Variants in ACSM5 observed in about 807,000 individuals in gnomAD.
ACSM5 encodes the protein acyl-coenzyme A synthetase ACSM5, mitochondrial.
Under a neutral mutation model 71.6 loss-of-function variants are expected in ACSM5, and 56 were observed. The observed-to-expected ratio is 0.78, with a 90% CI of 0.63 to 0.98. ACSM5 has a LOEUF of 0.98. ACSM5 is among the 50% of genes least tolerant of loss of function. The pLI, the probability that ACSM5 is intolerant of heterozygous loss-of-function variation, is 0.00. For missense variants in ACSM5, 723 were observed against 726.0 expected (o/e 1.00, Z 0.05); for synonymous variants, 285 against 281.5 (o/e 1.01, Z -0.12).
intron 5 of ACSM5, among the ~76,000 whole-genome samples, chr16:20,421,615 CTATA>C (rs59443556): frequency 0.14 from 14,570 of 105,428 alleles, 1,069 homozygotes; most frequent in Non-Finnish European, 0.15. Flanking sequence ...TAAATCGTGG[CTATA>C]TATATATATA....
At chr16:20,417,923 C>T in intron 2 of ACSM5, 136 bp from the exon 3 acceptor site, 2 of 835,758 alleles carry the variant, frequency 2.4e-6, no homozygotes, top group Non-Finnish European at 3.6e-6. Flanking sequence ...CTTTTCAATG[C>T]ATGTCTTTCC....
At position 20,419,527 on chromosome 16, in the gene ACSM5, AG is replaced by A. The variant is rs755047170; in HGVS notation, c.623+93del. The A allele has an allele frequency of 7.9e-4, 985 of 1,243,984 alleles. 2 individuals are homozygous for A. Among genetic ancestry groups the A allele is most frequent in the Non-Finnish European group, 1.1e-3 (942 of 872,300 alleles). The allele number at this position is 1,243,984 out of a possible 1,614,324, so 77.1% of individuals were successfully genotyped here. On this transcript the variant is annotated intron_variant, in intron 4 of 13. Coordinates refer to ENST00000331849, the MANE Select transcript of ACSM5 (RefSeq NM_017888.3). ...AATGCATTGCTGATTCCACACATAGAGAGCGAATCAGAGAGGAGCACTCCCA... is the reference window on the plus strand; with the variant it reads ...AATGCATTGCTGATTCCACACATAGAAGCGAATCAGAGAGGAGCACTCCCA...
chr16:20,410,734 CAAT>C (rs1009622634), intron 1 of ACSM5, among the ~76,000 whole-genome samples: 4 of 151,564 alleles, frequency 2.6e-5, no homozygotes, highest in African/African-American at 9.7e-5. Flanking sequence ...TCAAAAACAA[CAAT>C]AATAAAAATT....
intron 10 of ACSM5, 47 bp from the exon 11 acceptor site, chr16:20,437,005 A>C (rs1014574469): frequency 1.4e-5 from 22 of 1,597,000 alleles, no homozygotes; most frequent in Non-Finnish European, 1.9e-5. Flanking sequence ...AACTGGCCTT[A>C]GCAGTTGTTC....
Position 20,418,282 on chromosome 16 carries a change from G to A in ACSM5, c.415+13G>A. Reference sequence around the variant, plus strand: ...TGCATGCGGACAGGTCAGTAAGCAGGGCTGGGAATTTTAGTTGGGGGCAGA... The same window carrying A: ...TGCATGCGGACAGGTCAGTAAGCAGAGCTGGGAATTTTAGTTGGGGGCAGA... On this transcript the variant is annotated intron_variant, in intron 3 of 13. Coordinates refer to ENST00000331849, the MANE Select transcript of ACSM5 (RefSeq NM_017888.3). The A allele has an allele frequency of 3.7e-6, 6 of 1,600,090 alleles. No individual in the cohort carries two copies. The highest frequency in any genetic ancestry group is 1.3e-5 in the African/African-American group (1 of 74,802).
intron 2 of ACSM5, among the ~76,000 whole-genome samples, chr16:20,417,100 G>T (rs1966858148): frequency 6.6e-6 from 1 of 151,698 alleles, no homozygotes; most frequent in Non-Finnish European, 1.5e-5. Flanking sequence ...ATGGCTGGAT[G>T]GAAATGTAAA....
At position 20,431,310 on chromosome 16, in the gene ACSM5, A is replaced by C; in HGVS notation, c.1297A>C (p.Asn433His). ...IRPTRPFCFF[N>H]CYLDNPEKTA... ...ACCCACTCGGCCCTTCTGTTTCTTC[A>C]ATTGCTATTTGGTAAGAGACGGGGA... is the stretch of plus-strand genomic sequence containing the variant. Residue 433 changes from asparagine (N) to histidine (H), a missense_variant, in exon 10 of 14, where the codon AAT becomes CAT. By Grantham distance (68) the Asn-to-His change is moderately conservative (BLOSUM62 1). Transcript: ENST00000331849. The C allele has an allele frequency of 6.2e-7, 1 of 1,613,860 alleles. No homozygotes were observed. The highest frequency in any genetic ancestry group is 2.2e-5 in the East Asian group (1 of 44,872).
At chr16:20,440,103 T>C (rs68177584) in intron 13 of ACSM5, among the ~76,000 whole-genome samples, 184 bp downstream of exon 13, 42,874 of 150,716 alleles carry the variant, frequency 0.28, 7,447 homozygotes, top group East Asian at 0.57. Flanking sequence ...GCACATTTTG[T>C]TCCTACTCTA....
In ACSM5 at chr16:20,411,494, T is replaced by C. The variant is rs1567338316; in HGVS notation, c.10T>C (p.Trp4Arg). Residue 4 changes from tryptophan (W) to arginine (R), a missense_variant, in exon 2 of 14, where the codon TGG becomes CGG. Transcript: ENST00000331849. MRP[W>R]LRHLVLQALR... Reference sequence around the variant, plus strand: ...GACAGGAGGCGACTGCATGAGACCATGGCTGAGACACCTAGTCCTCCAGGC... The same window carrying C: ...GACAGGAGGCGACTGCATGAGACCACGGCTGAGACACCTAGTCCTCCAGGC... 6.2e-7 allele frequency: 1 copy of C among 1,614,058 alleles called. No individual in the cohort carries two copies. The highest frequency in any genetic ancestry group is 8.5e-7 in the Non-Finnish European group (1 of 1,179,994).
chr16:20,418,237 G>C lies in ACSM5; in HGVS notation c.383G>C (p.Trp128Ser). The change falls in exon 3 of 14, where the codon TGG becomes TCG. Residue 128 changes from tryptophan (W) to serine (S), a missense_variant. Transcript: ENST00000331849. ...CTGGTACTCCCACGGCTCCCGGAGT[G>C]GTGGCTGGTCAGTGTGGCTTGCATG... Reference protein sequence around the residue: ...MMLVLPRLPEWWLVSVACMRT... With the variant: ...MMLVLPRLPESWLVSVACMRT... 2 of 1,612,152 alleles carry C rather than the reference G, an allele frequency of 1.2e-6. No homozygotes were observed. The highest frequency in any genetic ancestry group is 1.7e-6 in the Non-Finnish European group (2 of 1,179,778).
chr16:20,416,944 A>T (rs1264973952), intron 2 of ACSM5, among the ~76,000 whole-genome samples: 1 of 151,710 alleles, frequency 6.6e-6, no homozygotes, highest in Non-Finnish European at 1.5e-5. Context: ...ACACATGAAA[A>T]GATGCTTAAC....
At chr16:20,420,516 C>T (rs950477641) in intron 4 of ACSM5, among the ~76,000 whole-genome samples, 22 of 152,324 alleles carry the variant, frequency 1.4e-4, no homozygotes, top group Middle Eastern at 3.4e-3. Flanking sequence ...AGGAGAATCA[C>T]TTGAACCCGG....
chr16:20,418,828 T>A (rs1417975656), intron 3 of ACSM5, among the ~76,000 whole-genome samples: 1 of 152,124 alleles, frequency 6.6e-6, no homozygotes, highest in African/African-American at 2.4e-5. Flanking sequence ...ATGATTCTCA[T>A]TATCACAGCA....
chr16:20,429,764 G>C lies in ACSM5; in HGVS notation c.1088G>C (p.Gly363Ala). ...AGGGAGAAGTGGAAACACCAGACTG[G>C]TGTGGAGCTGTACGAAGGCTATGGC... ...DVREKWKHQT[G>A]VELYEGYGQS... The change falls in exon 8 of 14, where the codon GGT (glycine) becomes GCT (alanine). Residue 363 changes from glycine (G) to alanine (A), a missense_variant. Physicochemically the swap from Gly to Ala is moderately conservative, Grantham distance 60. Coordinates refer to ENST00000331849, the MANE Select transcript of ACSM5 (RefSeq NM_017888.3). 1 of 1,611,290 alleles carries C rather than the reference G, an allele frequency of 6.2e-7. No homozygotes were observed. The highest frequency in any genetic ancestry group is 1.3e-5 in the African/African-American group (1 of 74,986).
chr16:20,424,340 C>T (rs1489358512), intron 6 of ACSM5, among the ~76,000 whole-genome samples: 1 of 152,124 alleles, frequency 6.6e-6, no homozygotes, highest in African/African-American at 2.4e-5. Context: ...TCCCTATGCT[C>T]CTGCCAAAAC....
chr16:20,431,345 C>T (rs1485729906), intron 10 of ACSM5, 24 bp downstream of exon 10: 4 of 1,566,144 alleles, frequency 2.6e-6, no homozygotes, highest in African/African-American at 1.4e-5. Flanking sequence ...AACAGCCGTT[C>T]TCATGACAGT....
intron 2 of ACSM5, 119 bp downstream of exon 2, chr16:20,411,807 A>G (rs1022490835): frequency 9.2e-7 from 1 of 1,090,188 alleles, no homozygotes; most frequent in African/African-American, 1.6e-5. Context: ...GAATTTTGCT[A>G]GTTCTAAAAT....
At position 20,411,368 on chromosome 16, in the gene ACSM5, C is replaced by T. The variant is rs76340392; in HGVS notation, c.-15-102C>T. The T allele has an allele frequency of 6.9e-6, 6 of 874,426 alleles. No individual in the cohort carries two copies. In the African/African-American group the frequency reaches 1.0e-4, roughly 15 times the overall value. 54.2% of individuals were successfully genotyped at this position (874,426 alleles called of 1,614,324 possible). On this transcript the variant is annotated intron_variant, in intron 1 of 13. Transcript: ENST00000331849. ...GTTTATTCTACAAGTCAGTAAGGAT[C>T]ACAGTCACCATCAGCACTAACCACA... is the stretch of plus-strand genomic sequence containing the variant.
At position 20,423,977 on chromosome 16, in the gene ACSM5, A is replaced by T. The variant is rs1265443490; in HGVS notation, c.829A>T (p.Lys277Ter). ...FWNTTDTGWV[K>*]AAWTLFSAWP... Reference sequence around the variant, plus strand: ...GAACACGACTGACACTGGCTGGGTGAAGGCAGCCTGGACTCTCTTCTCTGC... The same window carrying T: ...GAACACGACTGACACTGGCTGGGTGTAGGCAGCCTGGACTCTCTTCTCTGC... Residue 277 changes from lysine (K) to a stop codon, truncating the protein, a stop_gained, in exon 6 of 14, where the codon AAG (lysine) becomes TAG (stop). Transcript: ENST00000331849. LOFTEE classifies it high-confidence loss of function. 1 of 1,614,180 alleles carries T rather than the reference A, an allele frequency of 6.2e-7. No individual in the cohort carries two copies. Among genetic ancestry groups the T allele is most frequent in the East Asian group, 2.2e-5 (1 of 44,882 alleles).
Sources: gnomAD v4.1 joint callset for allele counts (sites outside exome capture counted in the v4.1 genomes callset) on GRCh38, gnomAD v4.1.1 for gene constraint, MANE v1.5 for transcripts, NCBI Gene and HGNC (gene_info 2026-07-23, HGNC 2026-07-21) for gene names.